SYCP2L: variants seen among roughly 807,000 people sequenced by gnomAD.
The protein encoded by SYCP2L is synaptonemal complex protein 2 like.
A neutral mutation model predicts 125.8 loss-of-function variants in SYCP2L; 98 were observed. The observed-to-expected ratio is 0.78, with a 90% CI of 0.66 to 0.92. The LOEUF (loss-of-function observed/expected upper bound fraction) is 0.92. SYCP2L is among the 40% of genes least tolerant of loss of function. SYCP2L has a pLI of 0.00. For missense variants in SYCP2L, 842 were observed against 936.4 expected (o/e 0.90, Z 1.32); for synonymous variants, 317 against 325.4 (o/e 0.97, Z 0.28).
intron 25 of SYCP2L, among the ~76,000 whole-genome samples, chr6:10,957,173 G>A (rs1781514380): frequency 1.3e-5 from 2 of 152,140 alleles, no homozygotes; most frequent in Admixed American, 6.5e-5. Flanking sequence ...TGAAAAAGAG[G>A]AAAGAAGGAA....
intron 15 of SYCP2L, among the ~76,000 whole-genome samples, chr6:10,925,017 G>A (rs942023204): frequency 1.1e-4 from 17 of 152,222 alleles, no homozygotes; most frequent in African/African-American, 2.9e-4. Flanking sequence ...CTGTTCTCAC[G>A]CTGCTAATAA....
intron 28 of SYCP2L, among the ~76,000 whole-genome samples, chr6:10,962,541 A>G (rs1238778293): frequency 1.4e-4 from 22 of 152,158 alleles, no homozygotes; most frequent in Non-Finnish European, 8.8e-5. Flanking sequence ...TTTAACATTT[A>G]TTGAGGATCC....
rs766307975 is a variant in SYCP2L, at chr6:10,887,114, A to G, written c.-13A>G. On this transcript the variant is annotated 5_prime_UTR_variant, in exon 1 of 30. Coordinates refer to ENST00000283141, the MANE Select transcript of SYCP2L (RefSeq NM_001040274.3). Reference sequence around the variant, plus strand: ...TGAGCGGCGCGTCGCTTCAGGAACGAAGAAGCCTCGTTATGCAAGCGGTGA... The same window carrying G: ...TGAGCGGCGCGTCGCTTCAGGAACGGAGAAGCCTCGTTATGCAAGCGGTGA... 1.2e-6 allele frequency: 2 copies of G among 1,614,020 alleles called. No individual in the cohort carries two copies. Among genetic ancestry groups the G allele is most frequent in the Admixed American group, 3.3e-5 (2 of 60,010 alleles).
chr6:10,896,752 T>C (rs1780265558), intron 4 of SYCP2L, among the ~76,000 whole-genome samples: 1 of 152,192 alleles, frequency 6.6e-6, no homozygotes, highest in Non-Finnish European at 1.5e-5. Flanking sequence ...TTCTTAAACC[T>C]AAAATAGAAA....
chr6:10,920,853 G>A (rs558303740), intron 14 of SYCP2L, among the ~76,000 whole-genome samples: 1 of 151,392 alleles, frequency 6.6e-6, no homozygotes, highest in Admixed American at 6.6e-5. Context: ...CAACTTTTAA[G>A]TTCATGGGTA....
intron 10 of SYCP2L, among the ~76,000 whole-genome samples, chr6:10,908,217 T>G (rs1482634259): frequency 6.6e-6 from 1 of 151,922 alleles, no homozygotes; most frequent in Non-Finnish European, 1.5e-5. Flanking sequence ...CAGAACTAGG[T>G]GAATTTGATG....
chr6:10,955,068 A>G lies in SYCP2L; in HGVS notation c.1955-48A>G, dbSNP rs750857346. On this transcript the variant is annotated intron_variant, in intron 23 of 29. Transcript: ENST00000283141. ...GTAAGACATTAACTGCCAAAAAATGAACAAGATAATTTCGGGTCAAAAGGA... is the reference window on the plus strand; with the variant it reads ...GTAAGACATTAACTGCCAAAAAATGGACAAGATAATTTCGGGTCAAAAGGA... 2.2e-6 allele frequency: 3 copies of G among 1,381,976 alleles called. No homozygotes were observed. In the South Asian group the frequency reaches 3.6e-5, roughly 16 times the overall value. 85.6% of individuals were successfully genotyped at this position (1,381,976 alleles called of 1,614,324 possible). A position where few individuals can be genotyped will look rare whatever the true frequency, so the allele number is the denominator to read the frequency against.
chr6:10,956,664 T>A (rs117943712), intron 25 of SYCP2L, among the ~76,000 whole-genome samples: 3,265 of 152,290 alleles, frequency 0.021, 154 homozygotes, highest in East Asian at 0.21. Flanking sequence ...GGTCTCACTA[T>A]GTTGCCTAGG....
intron 14 of SYCP2L, among the ~76,000 whole-genome samples, chr6:10,915,930 G>T (rs1277122343): frequency 6.6e-6 from 1 of 152,144 alleles, no homozygotes; most frequent in Non-Finnish European, 1.5e-5. Context: ...GTAGAATTCT[G>T]CTGTGAATCT....
Position 10,899,809 on chromosome 6 carries a change from C to T in SYCP2L, c.466+961C>T, listed in dbSNP as rs920591208. ...AAACTTGGTTGACTTGGTTGGTCCT[C>T]ATAATTCAAGTCAGTGGTTCCAAAC... On this transcript the variant is annotated intron_variant, in intron 6 of 29. Transcript: ENST00000283141. 2.0e-5 allele frequency among the ~76,000 whole-genome samples: 3 copies of T among 152,132 alleles called. No individual in the cohort carries two copies. In the East Asian group the frequency reaches 5.8e-4, roughly 29 times the overall value.
intron 6 of SYCP2L, among the ~76,000 whole-genome samples, chr6:10,901,000 CCTT>C (rs1224281464): frequency 6.6e-6 from 1 of 152,210 alleles, no homozygotes; most frequent in Non-Finnish European, 1.5e-5. Flanking sequence ...CTTCTCACCT[CCTT>C]CTGCAATTGA....
intron 20 of SYCP2L, 68 bp from the exon 21 acceptor site, chr6:10,934,990 C>A: frequency 7.5e-7 from 1 of 1,339,990 alleles, no homozygotes; most frequent in Non-Finnish European, 1.0e-6. Flanking sequence ...TTGAAAATGT[C>A]TTACAATATT....
intron 23 of SYCP2L, among the ~76,000 whole-genome samples, chr6:10,948,464 CAG>C (rs961737411): frequency 1.3e-5 from 2 of 152,050 alleles, no homozygotes; most frequent in African/African-American, 2.4e-5. Context: ...CTCATAGAAA[CAG>C]AGAGTAGAAG....
intron 29 of SYCP2L, among the ~76,000 whole-genome samples, chr6:10,969,706 G>A (rs1158183929): frequency 2.6e-5 from 4 of 151,992 alleles, no homozygotes; most frequent in Admixed American, 6.6e-5. Context: ...GCAAAGATAC[G>A]TGCAATAATA....
At chr6:10,909,440 T>C (rs1199486022) in intron 10 of SYCP2L, among the ~76,000 whole-genome samples, 2 of 152,216 alleles carry the variant, frequency 1.3e-5, no homozygotes, top group Non-Finnish European at 2.9e-5. Flanking sequence ...AATTGCTTTT[T>C]TGCATGAAAG....
chr6:10,920,518 C>G (rs1456270606), intron 14 of SYCP2L, among the ~76,000 whole-genome samples: 1 of 152,124 alleles, frequency 6.6e-6, no homozygotes, highest in Non-Finnish European at 1.5e-5. Flanking sequence ...TGCCTGGCCT[C>G]CTTAGAATTT....
chr6:10,958,947 T>G, intron 26 of SYCP2L, 72 bp downstream of exon 26: 1 of 1,328,136 alleles, frequency 7.5e-7, no homozygotes, highest in Non-Finnish European at 1.1e-6. Context: ...TCATGACCAC[T>G]GTGCTAGGGC....
At chr6:10,898,369 C>T (rs769294847) in intron 5 of SYCP2L, among the ~76,000 whole-genome samples, 6 of 151,922 alleles carry the variant, frequency 3.9e-5, no homozygotes, top group Non-Finnish European at 7.4e-5. Flanking sequence ...AGAAATTCGC[C>T]GGGCGTGGTG....
chr6:10,902,586 G>A (rs764419469), intron 6 of SYCP2L, 91 bp from the exon 7 acceptor site: 15 of 1,060,708 alleles, frequency 1.4e-5, no homozygotes, highest in South Asian at 7.5e-5. Context: ...AAGCCAGAAC[G>A]ACATCCTTAG....
Sources: gnomAD v4.1 joint callset for allele counts (sites outside exome capture counted in the v4.1 genomes callset) on GRCh38, gnomAD v4.1.1 for gene constraint, MANE v1.5 for transcripts, NCBI Gene and HGNC (gene_info 2026-07-23, HGNC 2026-07-21) for gene names.